Variants in ZBBX observed in about 807,000 individuals in gnomAD.
ZBBX encodes zinc finger B-box domain-containing protein 1.
ZBBX carries 101 observed loss-of-function variants against 108.5 expected under a neutral mutation model. The ratio of observed to expected loss-of-function variants is 0.93; its 90% CI spans 0.79 to 1.10. The LOEUF is 1.10. Ranked by LOEUF, ZBBX falls within the 50% of genes least tolerant of loss-of-function variation. ZBBX has a pLI of 0.00. For missense variants in ZBBX, 1,009 were observed against 941.4 expected (o/e 1.07, Z -0.94); for synonymous variants, 356 against 323.4 (o/e 1.10, Z -1.08).
chr3:167,382,963 T>C (rs980075083), upstream of ZBBX, among the ~76,000 whole-genome samples: 1 of 152,152 alleles, frequency 6.6e-6, no homozygotes, highest in Non-Finnish European at 1.5e-5. Flanking sequence ...TAATATTTTA[T>C]CTCAATTCCT....
chr3:167,365,822 A>G (rs1204455642), intron 6 of ZBBX, 64 bp downstream of exon 6: 1 of 1,181,538 alleles, frequency 8.5e-7, no homozygotes, highest in Non-Finnish European at 1.2e-6. Context: ...AGAAAATGCA[A>G]GACCTAAAAA....
chr3:167,212,075 C>T, the ZBBX span, among the ~76,000 whole-genome samples: 1 of 152,144 alleles, frequency 6.6e-6, no homozygotes, highest in African/African-American at 2.4e-5. Flanking sequence ...CTACAGGTGA[C>T]TTTGGGCCAA....
At chr3:167,181,427 T>A in the ZBBX span, among the ~76,000 whole-genome samples, 3 of 152,208 alleles carry the variant, frequency 2.0e-5, no homozygotes, top group African/African-American at 7.2e-5. Flanking sequence ...TCAGGGGCTT[T>A]ACTAACTCCA....
chr3:167,373,457 T>C (rs1294644667), intron 3 of ZBBX, among the ~76,000 whole-genome samples: 2 of 152,194 alleles, frequency 1.3e-5, no homozygotes, highest in African/African-American at 2.4e-5. Context: ...TTCACCAATA[T>C]TTATGTACAG....
intron 8 of ZBBX, 35 bp from the exon 9 acceptor site, chr3:167,350,550 TATAAA>T (rs775243519): frequency 7.1e-7 from 1 of 1,398,848 alleles, no homozygotes; most frequent in Non-Finnish European, 9.8e-7. Flanking sequence ...TATACAATCT[TATAAA>T]ATAGTATGAT....
intron 6 of ZBBX, among the ~76,000 whole-genome samples, chr3:167,362,190 A>G (rs1360065984): frequency 6.6e-6 from 1 of 152,150 alleles, no homozygotes; most frequent in Non-Finnish European, 1.5e-5. Context: ...ATATGTATAT[A>G]TACATATAGA....
chr3:167,179,501 A>T, the ZBBX span, among the ~76,000 whole-genome samples: 20 of 152,234 alleles, frequency 1.3e-4, no homozygotes, highest in African/African-American at 4.8e-4. Flanking sequence ...AAAAGGGTGC[A>T]TTCTATTCCT....
chr3:167,241,305 T>C (rs1015564975), intron 21 of ZBBX, among the ~76,000 whole-genome samples: 9 of 152,178 alleles, frequency 5.9e-5, no homozygotes, highest in Admixed American at 5.2e-4. Context: ...AAATCATCTC[T>C]TTTGTATACT....
In ZBBX at chr3:167,341,369, A is replaced by G. The variant is rs1024589711; in HGVS notation, c.529-7384T>C. ...CTCAATATTTAGTACTTTATAAAAT[A>G]ACACGAAAATAATGAAATAAAACAC... On this transcript the variant is annotated intron_variant, in intron 9 of 21. Transcript: ENST00000675490. Among the ~76,000 whole-genome samples, 23 of 152,024 alleles carry G rather than the reference A, an allele frequency of 1.5e-4. No homozygotes were observed. In the South Asian group the frequency reaches 2.5e-3, roughly 16 times the overall value.
intron 8 of ZBBX, among the ~76,000 whole-genome samples, chr3:167,353,189 G>T (rs1330746853): frequency 6.6e-6 from 1 of 152,092 alleles, no homozygotes; most frequent in Non-Finnish European, 1.5e-5. Context: ...AATTATTTAT[G>T]TTTGCTAATG....
At chr3:167,367,506 G>C (rs1745496920) in intron 5 of ZBBX, among the ~76,000 whole-genome samples, 1 of 151,372 alleles carries the variant, frequency 6.6e-6, no homozygotes, top group Non-Finnish European at 1.5e-5. Flanking sequence ...AATGCATTCT[G>C]ATGTGATAGG....
chr3:167,378,210 C>T (rs1399367004), intron 2 of ZBBX, among the ~76,000 whole-genome samples: 1 of 152,112 alleles, frequency 6.6e-6, no homozygotes, highest in East Asian at 1.9e-4. Context: ...CTTCAGGTTG[C>T]ATTCAATCTT....
chr3:167,377,609 G>A (rs969257624), intron 2 of ZBBX, among the ~76,000 whole-genome samples: 1 of 151,762 alleles, frequency 6.6e-6, no homozygotes, highest in Non-Finnish European at 1.5e-5. Flanking sequence ...TAAAATAGTT[G>A]CTTTTAATAA....
intron 1 of ZBBX, among the ~76,000 whole-genome samples, chr3:167,406,588 T>C (rs553643517): frequency 3.0e-4 from 46 of 152,096 alleles, no homozygotes; most frequent in African/African-American, 1.1e-3. Context: ...AGTCACAAAA[T>C]CCAGTATCAA....
At chr3:167,210,685 T>G in the ZBBX span, among the ~76,000 whole-genome samples, 1 of 151,784 alleles carries the variant, frequency 6.6e-6, no homozygotes, top group African/African-American at 2.4e-5. Context: ...ACAATGGAGC[T>G]CCAATACATC....
At position 167,288,979 on chromosome 3, in the gene ZBBX, G is replaced by A. The variant is rs1730193424; in HGVS notation, c.1884C>T (p.Asp628=). The part of the protein sequence containing the change: ...NSSTRITLAE[D]REWIPDHSLS... ...AGCTATGGTCTGGAATCCATTCTCT[G>A]TCTTCTGAAATTGAAAAACAGTAAG... The change falls in exon 19 of 22, where the codon GAC becomes GAT. Residue 628 remains aspartate, a synonymous_variant. Transcript: ENST00000675490. 2 of 1,526,080 alleles carry A rather than the reference G, an allele frequency of 1.3e-6. No homozygotes were observed. Among genetic ancestry groups the A allele is most frequent in the South Asian group, 2.5e-5 (2 of 79,318 alleles). The allele number at this position is 1,526,080 out of a possible 1,614,324, so 94.5% of individuals were successfully genotyped here. A position where few individuals can be genotyped will look rare whatever the true frequency, so the allele number is the denominator to read the frequency against.
intron 8 of ZBBX, among the ~76,000 whole-genome samples, chr3:167,357,490 G>A (rs1743774350): frequency 6.6e-6 from 1 of 152,102 alleles, no homozygotes; most frequent in Non-Finnish European, 1.5e-5. Context: ...GGAATCCAGT[G>A]ATTCCAGTTC....
chr3:167,246,944 T>C (rs1264144197), intron 20 of ZBBX, among the ~76,000 whole-genome samples: 1 of 152,180 alleles, frequency 6.6e-6, no homozygotes, highest in Non-Finnish European at 1.5e-5. Context: ...TTAGAGTTTA[T>C]TAAAAATTGG....
the ZBBX span, among the ~76,000 whole-genome samples, chr3:167,191,257 A>C: frequency 6.6e-6 from 1 of 152,216 alleles, no homozygotes; most frequent in Non-Finnish European, 1.5e-5. Flanking sequence ...CTGTGGAGGC[A>C]ACAGCAAATT....
Sources: gnomAD v4.1 joint callset for allele counts (sites outside exome capture counted in the v4.1 genomes callset) on GRCh38, gnomAD v4.1.1 for gene constraint, MANE v1.5 for transcripts, NCBI Gene and HGNC (gene_info 2026-07-23, HGNC 2026-07-21) for gene names.